PIWIL2: variants seen among roughly 807,000 people sequenced by gnomAD.
PIWIL2 encodes the protein piwi like RNA-mediated gene silencing 2.
Under a neutral mutation model 116.5 loss-of-function variants are expected in PIWIL2, and 81 were observed. The observed-to-expected ratio is 0.70, with a 90% CI of 0.58 to 0.84. The LOEUF (loss-of-function observed/expected upper bound fraction) is 0.84, where lower values mean the gene tolerates loss of function less well. Ranked by LOEUF, PIWIL2 falls within the 40% of genes least tolerant of loss-of-function variation. The probability of loss-of-function intolerance (pLI) is 0.00; values close to 1 mark genes in which losing one functional copy is unlikely to be tolerated. For missense variants in PIWIL2, 1,272 were observed against 1,212.3 expected (o/e 1.05, Z -0.73); for synonymous variants, 489 against 429.5 (o/e 1.14, Z -1.71).
At chr8:22,288,787 T>A (rs1830690075) in intron 8 of PIWIL2, 121 bp downstream of exon 8, 4 of 816,990 alleles carry the variant, frequency 4.9e-6, no homozygotes, top group Non-Finnish European at 7.5e-6. Flanking sequence ...TGGAAGCATT[T>A]AATGAATAAA....
chr8:22,352,417 G>C (rs542536459), intron 20 of PIWIL2, among the ~76,000 whole-genome samples: 4 of 152,114 alleles, frequency 2.6e-5, no homozygotes, highest in African/African-American at 9.6e-5. Context: ...ATGTTTTACT[G>C]TATGTTTACT....
chr8:22,294,393 A>G (rs1343797997), intron 10 of PIWIL2, among the ~76,000 whole-genome samples: 7 of 150,580 alleles, frequency 4.6e-5, no homozygotes, highest in Admixed American at 2.7e-4. Context: ...TGTAATCCCA[A>G]CACTTTGGGA....
At chr8:22,323,510 G>A (rs764967649) in intron 20 of PIWIL2, among the ~76,000 whole-genome samples, 5 of 152,244 alleles carry the variant, frequency 3.3e-5, no homozygotes, top group African/African-American at 9.6e-5. Flanking sequence ...GATTATAGGC[G>A]TGAGCCACAG....
intron 20 of PIWIL2, among the ~76,000 whole-genome samples, chr8:22,329,840 G>A (rs1183397993): frequency 1.3e-5 from 2 of 152,222 alleles, no homozygotes; most frequent in African/African-American, 4.8e-5. Flanking sequence ...GGCTTACACA[G>A]TTATGGAGGC....
chr8:22,293,204 G>A (rs1029894738), intron 10 of PIWIL2, among the ~76,000 whole-genome samples: 1 of 152,146 alleles, frequency 6.6e-6, no homozygotes, highest in Non-Finnish European at 1.5e-5. Flanking sequence ...AGCGCTTTGG[G>A]AGGCCAAGGT....
intron 10 of PIWIL2, among the ~76,000 whole-genome samples, chr8:22,296,146 C>G (rs747400862): frequency 3.4e-4 from 52 of 150,850 alleles, no homozygotes; most frequent in Non-Finnish European, 6.0e-4. Flanking sequence ...ACTTCCACCT[C>G]CCAGGTTCAA....
chr8:22,292,609 C>T (rs1353188450), intron 10 of PIWIL2, among the ~76,000 whole-genome samples: 1 of 152,234 alleles, frequency 6.6e-6, no homozygotes, highest in Non-Finnish European at 1.5e-5. Context: ...TAGGGCTTAG[C>T]ACTGTCAAAG....
At chr8:22,297,843 T>C (rs1237237415) in intron 10 of PIWIL2, among the ~76,000 whole-genome samples, 2 of 152,172 alleles carry the variant, frequency 1.3e-5, no homozygotes, top group African/African-American at 4.8e-5. Context: ...CCTAAATTGG[T>C]ATGAAGCCTT....
At chr8:22,353,573 A>G (rs1468037501) in intron 21 of PIWIL2, among the ~76,000 whole-genome samples, 1 of 152,012 alleles carries the variant, frequency 6.6e-6, no homozygotes, top group African/African-American at 2.4e-5. Flanking sequence ...GCTTGAACCT[A>G]GGAGGCGGAG....
intron 10 of PIWIL2, among the ~76,000 whole-genome samples, chr8:22,303,439 T>C (rs1208160089): frequency 1.3e-5 from 2 of 152,228 alleles, no homozygotes; most frequent in Non-Finnish European, 2.9e-5. Context: ...TCACCCAGGA[T>C]GGAGTGCAGT....
rs1481317612 is a variant in PIWIL2 at position 22,287,562 on chromosome 8, A to G, written c.778A>G (p.Met260Val). ...NVECKSMRFGMLKDHQAVTGN... is the reference protein window; with the variant it reads ...NVECKSMRFGVLKDHQAVTGN... ...GGAGTGCAAAAGCATGAGGTTCGGC[A>G]TGTTGAAGGACCATCAAGCTGTCAC... Residue 260 changes from methionine to valine, a missense_variant, in exon 7 of 23, where the codon ATG becomes GTG. Met to Val is a conservative substitution (Grantham distance 21). Coordinates refer to ENST00000356766, the MANE Select transcript of PIWIL2 (RefSeq NM_018068.5). 1.2e-6 allele frequency: 2 copies of G among 1,613,696 alleles called. No individual in the cohort carries two copies. The highest frequency in any genetic ancestry group is 1.7e-6 in the Non-Finnish European group (2 of 1,179,682).
intron 20 of PIWIL2, among the ~76,000 whole-genome samples, chr8:22,326,423 G>C (rs1246831615): frequency 1.3e-5 from 2 of 152,134 alleles, no homozygotes; most frequent in Non-Finnish European, 2.9e-5. Flanking sequence ...TTGGGGGGCT[G>C]AGGTAAGAGG....
rs1017801893 is a variant in PIWIL2, at chr8:22,354,415, A to G, written c.2765+37A>G. The G allele has an allele frequency of 3.0e-6, 4 of 1,353,990 alleles. No homozygotes were observed. In the African/African-American group the frequency reaches 4.3e-5, roughly 15 times the overall value. The allele number at this position is 1,353,990 out of a possible 1,614,324, so 83.9% of individuals were successfully genotyped here. ...AGTAACTTACTCTTTCTCTTTCTTA[A>G]ATAATTCTGGCCTGCTAGCTAAGAT... is the stretch of plus-strand genomic sequence containing the variant. On this transcript the variant is annotated intron_variant, in intron 22 of 22. Transcript: ENST00000356766.
chr8:22,339,173 A>G (rs1177910763), intron 20 of PIWIL2, among the ~76,000 whole-genome samples: 1 of 152,226 alleles, frequency 6.6e-6, no homozygotes, highest in Non-Finnish European at 1.5e-5. Flanking sequence ...GTATACAAAA[A>G]GTAACTCCAA....
chr8:22,284,301 A>G (rs373786351), intron 6 of PIWIL2, 29 bp downstream of exon 6: 6 of 1,211,042 alleles, frequency 5.0e-6, no homozygotes, highest in Non-Finnish European at 7.2e-6. Flanking sequence ...TGTATTGTTC[A>G]CTTCTTAAAG....
chr8:22,346,945 A>G (rs188268700), intron 20 of PIWIL2, among the ~76,000 whole-genome samples: 154 of 152,096 alleles, frequency 1.0e-3, no homozygotes, highest in African/African-American at 3.2e-3. Flanking sequence ...AGGACGAGGT[A>G]GGAGGAGCAC....
chr8:22,333,996 T>G (rs1831922479), intron 20 of PIWIL2, among the ~76,000 whole-genome samples: 1 of 151,024 alleles, frequency 6.6e-6, no homozygotes, highest in African/African-American at 2.4e-5. Context: ...TGGAGACAGT[T>G]TTTTCACTCG....
At chr8:22,325,480 T>TC (rs1314223618) in intron 20 of PIWIL2, among the ~76,000 whole-genome samples, 1 of 116,454 alleles carries the variant, frequency 8.6e-6, no homozygotes, top group African/African-American at 2.9e-5. Flanking sequence ...TTTGATTTAG[T>TC]CTTTTTTTTT....
chr8:22,329,584 C>T (rs950889982), intron 20 of PIWIL2, among the ~76,000 whole-genome samples: 2 of 152,230 alleles, frequency 1.3e-5, no homozygotes, highest in African/African-American at 4.8e-5. Context: ...CCAAGCCATT[C>T]CTGAGGGATC....
Sources: allele counts gnomAD v4.1 joint callset (sites outside exome capture counted in the v4.1 genomes callset), GRCh38; gene constraint gnomAD v4.1.1; transcripts MANE v1.5; gene names NCBI Gene and HGNC (gene_info 2026-07-23, HGNC 2026-07-21).